Variants in AGK observed in about 807,000 individuals in gnomAD.
The protein encoded by AGK is acylglycerol kinase.
In AGK, 52 loss-of-function variants were observed where a neutral mutation model predicts 66.4. That is an observed-to-expected ratio of 0.78 (90% CI 0.63 to 0.99). AGK has a LOEUF of 0.99. Ranked by LOEUF, AGK falls within the 50% of genes least tolerant of loss-of-function variation. The probability of loss-of-function intolerance (pLI) is 0.00; values close to 1 mark genes in which losing one functional copy is unlikely to be tolerated. For synonymous variants in AGK, 182 were observed against 181.1 expected (o/e 1.00, Z -0.04); for missense variants, 451 against 506.6 (o/e 0.89, Z 1.05).
chr7:141,649,680 T>C (rs1453591931), intron 14 of AGK, among the ~76,000 whole-genome samples: 1 of 152,372 alleles, frequency 6.6e-6, no homozygotes, highest in East Asian at 1.9e-4. Flanking sequence ...ACTCGGATCA[T>C]TTAGCATCTC....
chr7:141,628,437 A>G (rs965442492), intron 9 of AGK, among the ~76,000 whole-genome samples: 1 of 152,196 alleles, frequency 6.6e-6, no homozygotes, highest in Admixed American at 6.5e-5. Flanking sequence ...GAATATGGGG[A>G]AAAAGATTAT....
chr7:141,573,620 G>A (rs1795663590), intron 2 of AGK, among the ~76,000 whole-genome samples: 1 of 152,190 alleles, frequency 6.6e-6, no homozygotes. Context: ...ATTGACAGTA[G>A]TAGCTGCTAA....
intron 4 of AGK, 85 bp from the exon 5 acceptor site, chr7:141,601,120 C>A: frequency 1.0e-6 from 1 of 985,286 alleles, no homozygotes; most frequent in Non-Finnish European, 1.6e-6. Context: ...CTTTCTTATT[C>A]TGCCCTGAAG....
chr7:141,628,768 A>T (rs1378520586), intron 9 of AGK, among the ~76,000 whole-genome samples: 1 of 152,130 alleles, frequency 6.6e-6, no homozygotes, highest in Non-Finnish European at 1.5e-5. Context: ...TCTTTCTCAT[A>T]GTCTGTTGGT....
intron 4 of AGK, among the ~76,000 whole-genome samples, chr7:141,599,641 C>T (rs924689908): frequency 1.3e-5 from 2 of 152,104 alleles, no homozygotes; most frequent in Non-Finnish European, 2.9e-5. Flanking sequence ...GGAAATAGAT[C>T]TGATCCACTT....
chr7:141,652,290 G>C (rs768665971), intron 15 of AGK: 37 of 155,512 alleles, frequency 2.4e-4, no homozygotes, highest in Middle Eastern at 3.4e-3. Context: ...TTCATAGACT[G>C]TAATGATATT....
chr7:141,606,401 G>T (rs935176245), intron 5 of AGK, among the ~76,000 whole-genome samples: 3 of 152,094 alleles, frequency 2.0e-5, no homozygotes, highest in African/African-American at 7.2e-5. Flanking sequence ...AGAGTCTTTT[G>T]TTGTTGTCGA....
chr7:141,571,962 C>T (rs1795617567), intron 2 of AGK, among the ~76,000 whole-genome samples: 1 of 152,146 alleles, frequency 6.6e-6, no homozygotes, highest in Non-Finnish European at 1.5e-5. Context: ...GAGTTAAGTC[C>T]TGCAGAATGA....
At chr7:141,613,345 G>A (rs1469170310) in intron 6 of AGK, among the ~76,000 whole-genome samples, 64 of 152,194 alleles carry the variant, frequency 4.2e-4, no homozygotes, top group Admixed American at 4.2e-3. Flanking sequence ...GGGGCTGGGT[G>A]TGGTGGCTCA....
chr7:141,652,639 AT>A (rs200654013), intron 15 of AGK, 147 bp from the exon 16 acceptor site: 293 of 754,166 alleles, frequency 3.9e-4, no homozygotes, highest in South Asian at 5.6e-4. Flanking sequence ...TAGGCACTGA[AT>A]TTTTTTTTGT....
intron 9 of AGK, among the ~76,000 whole-genome samples, chr7:141,632,187 T>C (rs6975706): frequency 0.48 from 71,452 of 150,214 alleles, 17,191 homozygotes; most frequent in East Asian, 0.58. Context: ...GCCGAGATCG[T>C]GCCACTGCAC....
chr7:141,610,471 A>T (rs1361903144), intron 5 of AGK, among the ~76,000 whole-genome samples: 1 of 152,174 alleles, frequency 6.6e-6, no homozygotes, highest in Non-Finnish European at 1.5e-5. Flanking sequence ...TGGTTCATTG[A>T]AGTCTATGTA....
At chr7:141,564,631 C>A (rs1283199132) in intron 2 of AGK, among the ~76,000 whole-genome samples, 2 of 152,192 alleles carry the variant, frequency 1.3e-5, no homozygotes, top group Non-Finnish European at 2.9e-5. Context: ...CAGCTTTAGA[C>A]ACAGTTGACT....
At chr7:141,639,085 A>T (rs1470237019) in intron 11 of AGK, among the ~76,000 whole-genome samples, 3 of 152,216 alleles carry the variant, frequency 2.0e-5, no homozygotes, top group Non-Finnish European at 4.4e-5. Flanking sequence ...CCAATAGAAG[A>T]GAGAATTTCA....
At chr7:141,605,167 C>T (rs1034575746) in intron 5 of AGK, among the ~76,000 whole-genome samples, 6 of 152,190 alleles carry the variant, frequency 3.9e-5, no homozygotes, top group African/African-American at 7.2e-5. Context: ...GCACGCATTT[C>T]GGTTACTTAT....
intron 9 of AGK, among the ~76,000 whole-genome samples, chr7:141,624,424 T>C (rs1410906846): frequency 6.6e-6 from 1 of 152,166 alleles, no homozygotes; most frequent in Non-Finnish European, 1.5e-5. Context: ...ATTGAAAACC[T>C]TCTGGAAACG....
rs886062029 is a variant in AGK at position 141,654,228 on chromosome 7, TATTA to T, written c.*1308_*1311del. On this transcript the variant is annotated 3_prime_UTR_variant, in exon 16 of 16. Coordinates refer to ENST00000649286, the MANE Select transcript of AGK (RefSeq NM_018238.4). Reference sequence around the variant, plus strand: ...AATTATTGGTATATAATGAAAACGGTATTAATTCTTGGATGATTAAAAGTTTTTT... The same window carrying T: ...AATTATTGGTATATAATGAAAACGGTATTCTTGGATGATTAAAAGTTTTTT... The T allele has an allele frequency of 2.0e-4, 31 of 152,358 alleles. No individual in the cohort carries two copies. Among genetic ancestry groups the T allele is most frequent in the Non-Finnish European group, 3.4e-4 (23 of 68,030 alleles). 9.4% of individuals were successfully genotyped at this position (152,358 alleles called of 1,614,324 possible).
intron 15 of AGK, 44 bp downstream of exon 15, chr7:141,651,653 G>GT: frequency 6.4e-7 from 1 of 1,557,342 alleles, no homozygotes; most frequent in Non-Finnish European, 8.9e-7. Flanking sequence ...TGATTCGTTC[G>GT]TCATCGGCCT....
intron 7 of AGK, 41 bp downstream of exon 7, chr7:141,614,219 C>G: frequency 7.1e-7 from 1 of 1,416,276 alleles, no homozygotes; most frequent in South Asian, 1.4e-5. Context: ...TTTTATTTTT[C>G]TGTTCTTTTT....
Sources: allele counts gnomAD v4.1 joint callset (sites outside exome capture counted in the v4.1 genomes callset), GRCh38; gene constraint gnomAD v4.1.1; transcripts MANE v1.5; gene names NCBI Gene and HGNC (gene_info 2026-07-23, HGNC 2026-07-21).